Variants in ZSWIM5 observed in about 807,000 individuals in gnomAD.
ZSWIM5 encodes zinc finger SWIM-type containing 5.
A neutral mutation model predicts 119.6 loss-of-function variants in ZSWIM5; 55 were observed. The ratio of observed to expected loss-of-function variants is 0.46; its 90% CI spans 0.37 to 0.58. ZSWIM5 has a LOEUF of 0.58. Ranked by LOEUF, ZSWIM5 falls within the 20% of genes least tolerant of loss-of-function variation. The pLI is 0.00. For missense variants in ZSWIM5, 1,193 were observed against 1,512.8 expected, an observed-to-expected ratio of 0.79 and a Z score of 3.51; for synonymous variants, 537 against 606.9, an observed-to-expected ratio of 0.88 and a Z score of 1.69.
intron 2 of ZSWIM5, among the ~76,000 whole-genome samples, chr1:45,084,926 A>C (rs539007569): frequency 6.6e-6 from 1 of 152,334 alleles, no homozygotes; most frequent in African/African-American, 2.4e-5. Flanking sequence ...TCTCAGCTCC[A>C]GTAGGCAGTG....
At chr1:45,035,878 T>G (rs1299651929) in intron 9 of ZSWIM5, 55 bp from the exon 10 acceptor site, 1 of 1,600,662 alleles carries the variant, frequency 6.2e-7, no homozygotes, top group Non-Finnish European at 8.5e-7. Flanking sequence ...TCTGCCAGCC[T>G]GGACTTGAGC....
intron 2 of ZSWIM5, among the ~76,000 whole-genome samples, chr1:45,087,267 C>T (rs1430583780): frequency 6.6e-6 from 1 of 152,148 alleles, no homozygotes; most frequent in East Asian, 1.9e-4. Flanking sequence ...TGTTTCAGAC[C>T]TGTCTGTTGT....
Position 45,205,859 on chromosome 1 carries a change from C to T in ZSWIM5, c.492G>A (p.Leu164=), listed in dbSNP as rs1196839357. 10 of 1,427,978 alleles carry T rather than the reference C, an allele frequency of 7.0e-6. No individual in the cohort carries two copies. The highest frequency in any genetic ancestry group is 9.2e-6 in the Non-Finnish European group (10 of 1,085,514). The allele number at this position is 1,427,978 out of a possible 1,614,324, so 88.5% of individuals were successfully genotyped here. A position where few individuals can be genotyped will look rare whatever the true frequency, so the allele number is the denominator to read the frequency against. The part of the protein sequence containing the change: ...GGVAAGASPG[L]GAGAGAAGCG... ...AGCCGGCCGCGCCGGCCCCTGCGCC[C>T]AGCCCGGGGGATGCCCCAGCCGCGA... Residue 164 remains leucine (L), a synonymous_variant, in exon 1 of 14, where the codon CTG becomes CTA. Transcript: ENST00000359600.
chr1:45,138,505 C>CAAAA (rs759005534), intron 1 of ZSWIM5, among the ~76,000 whole-genome samples: 1 of 54,880 alleles, frequency 1.8e-5, no homozygotes, highest in Non-Finnish European at 3.9e-5. Context: ...AACTCCATCT[C>CAAAA]AAAAAAAAAA....
At chr1:45,041,006 T>C (rs779351816) in intron 6 of ZSWIM5, among the ~76,000 whole-genome samples, 4 of 152,152 alleles carry the variant, frequency 2.6e-5, no homozygotes, top group Admixed American at 6.6e-5. Flanking sequence ...TAAATGTAAT[T>C]ATAAAGCAGC....
intron 1 of ZSWIM5, among the ~76,000 whole-genome samples, chr1:45,144,824 CA>C (rs1482283966): frequency 6.6e-6 from 1 of 152,112 alleles, no homozygotes; most frequent in Non-Finnish European, 1.5e-5. Flanking sequence ...AGTTGGATTT[CA>C]TTAACATTAA....
At chr1:45,115,716 G>A (rs150231494) in intron 1 of ZSWIM5, among the ~76,000 whole-genome samples, 109 of 131,934 alleles carry the variant, frequency 8.3e-4, no homozygotes, top group African/African-American at 3.1e-3. Context: ...AGAGACGCTC[G>A]TCACTTCCCA....
chr1:45,166,802 C>G (rs888545324), intron 1 of ZSWIM5, among the ~76,000 whole-genome samples: 2 of 152,056 alleles, frequency 1.3e-5, no homozygotes, highest in Non-Finnish European at 2.9e-5. Flanking sequence ...CTACAAACCA[C>G]TGCTCAACAA....
intron 1 of ZSWIM5, among the ~76,000 whole-genome samples, chr1:45,154,679 C>T (rs558749980): frequency 2.0e-5 from 3 of 152,130 alleles, no homozygotes; most frequent in African/African-American, 4.8e-5. Context: ...ATCAGGAGTT[C>T]GAGACCAGCC....
intron 11 of ZSWIM5, among the ~76,000 whole-genome samples, chr1:45,027,526 A>C (rs554369432): frequency 9.0e-4 from 136 of 151,692 alleles, no homozygotes; most frequent in African/African-American, 3.1e-3. Flanking sequence ...CCTCCTGAGT[A>C]GCTGAGATTA....
intron 2 of ZSWIM5, 97 bp from the exon 3 acceptor site, chr1:45,060,344 G>T (rs957502692): frequency 6.3e-5 from 81 of 1,286,898 alleles, no homozygotes; most frequent in Admixed American, 2.2e-4. Context: ...ACAGAGATGG[G>T]TCATTCTGCT....
intron 1 of ZSWIM5, among the ~76,000 whole-genome samples, chr1:45,140,904 CT>C (rs904714240): frequency 2.0e-5 from 3 of 151,314 alleles, no homozygotes; most frequent in South Asian, 2.1e-4. Flanking sequence ...TGAGTTTATC[CT>C]TTTTTTTTCC....
intron 1 of ZSWIM5, among the ~76,000 whole-genome samples, chr1:45,185,274 T>A (rs1325254782): frequency 6.7e-6 from 1 of 150,268 alleles, no homozygotes; most frequent in African/African-American, 2.4e-5. Context: ...GACTTAAATG[T>A]TAGACCTAAA....
At chr1:45,046,222 A>C (rs911225188) in intron 5 of ZSWIM5, among the ~76,000 whole-genome samples, 3 of 152,172 alleles carry the variant, frequency 2.0e-5, no homozygotes, top group Admixed American at 6.5e-5. Flanking sequence ...TAAAAGGATA[A>C]CTCTGGCAGC....
rs370833043 is a variant in ZSWIM5 at position 45,172,091 on chromosome 1, G to C, written c.595+33665C>G. On this transcript the variant is annotated intron_variant, in intron 1 of 13. Transcript: ENST00000359600. ...ATGCAGAGGAAAATCTAATAATATTGTAAGAATGCTCAGAGGTGTGAACTC... is the reference window on the plus strand; with the variant it reads ...ATGCAGAGGAAAATCTAATAATATTCTAAGAATGCTCAGAGGTGTGAACTC... Among the ~76,000 whole-genome samples the C allele has an allele frequency of 1.7e-4, 26 of 151,928 alleles. No individual in the cohort carries two copies. In the South Asian group the frequency reaches 5.4e-3, roughly 32 times the overall value.
intron 2 of ZSWIM5, among the ~76,000 whole-genome samples, chr1:45,076,242 A>G (rs939370216): frequency 1.3e-5 from 2 of 152,112 alleles, no homozygotes; most frequent in Non-Finnish European, 2.9e-5. Context: ...CTTATTGTTC[A>G]TTAACATCCT....
chr1:45,077,227 T>G, intron 2 of ZSWIM5, among the ~76,000 whole-genome samples: 1 of 152,284 alleles, frequency 6.6e-6, no homozygotes, highest in East Asian at 1.9e-4. Context: ...TGGGCTTGTT[T>G]GTACCTGTCT....
chr1:45,185,498 T>C lies in ZSWIM5; in HGVS notation c.595+20258A>G, dbSNP rs575546528. Among the ~76,000 whole-genome samples, 973 of 151,920 alleles carry C rather than the reference T, an allele frequency of 6.4e-3. 12 individuals carry two copies. Among genetic ancestry groups the C allele is most frequent in the African/African-American group, 0.022 (929 of 41,388 alleles). On this transcript the variant is annotated intron_variant, in intron 1 of 13. Coordinates refer to ENST00000359600, the MANE Select transcript of ZSWIM5 (RefSeq NM_020883.2). ...ATGGGAGAAAATTTTTGCAACCTAC[T>C]CATCTGACAAAGGGCTAATATCCAG...
At position 45,054,375 on chromosome 1, in the gene ZSWIM5, G is replaced by A. The variant is rs532680502; in HGVS notation, c.1253-3122C>T. On this transcript the variant is annotated intron_variant, in intron 4 of 13. Transcript: ENST00000359600. The stretch of plus-strand genomic sequence containing the variant: ...AGGCAGGTGGATCACTTGAGGTCAG[G>A]AGTTTGAGACCAGCCTGGCCAACAT... Among the ~76,000 whole-genome samples, 26 of 152,116 alleles carry A rather than the reference G, an allele frequency of 1.7e-4. No homozygotes were observed. In the South Asian group the frequency reaches 3.3e-3, roughly 19 times the overall value.
Sources: gnomAD v4.1 joint callset for allele counts (sites outside exome capture counted in the v4.1 genomes callset) on GRCh38, gnomAD v4.1.1 for gene constraint, MANE v1.5 for transcripts, NCBI Gene and HGNC (gene_info 2026-07-23, HGNC 2026-07-21) for gene names.